Variants in TBXAS1 observed in about 807,000 individuals in gnomAD.
TBXAS1 encodes thromboxane-A synthase.
Under a neutral mutation model 60.7 loss-of-function variants are expected in TBXAS1, and 48 were observed. The ratio of observed to expected loss-of-function variants is 0.79; its 90% confidence interval spans 0.63 to 1.01. The LOEUF (loss-of-function observed/expected upper bound fraction) is 1.01, where lower values mean the gene tolerates loss of function less well. Among genes scored for constraint, TBXAS1 ranks in the 50% least tolerant of loss-of-function variants. The pLI, the probability that TBXAS1 is intolerant of heterozygous loss-of-function variation, is 0.00. For missense variants in TBXAS1, 685 were observed against 686.3 expected (o/e 1.00, Z 0.02); for synonymous variants, 287 against 269.7 (o/e 1.06, Z -0.63).
chr7:139,904,998 TCTTTC>T (rs1804879102), intron 3 of TBXAS1, among the ~76,000 whole-genome samples: 5 of 94,318 alleles, frequency 5.3e-5, no homozygotes, highest in African/African-American at 2.0e-4. Context: ...TCTCTTTCTC[TCTTTC>T]TCTCTTTCTT....
intron 4 of TBXAS1, among the ~76,000 whole-genome samples, chr7:139,792,794 T>C (rs1248054853): frequency 6.6e-6 from 1 of 152,206 alleles, no homozygotes; most frequent in African/African-American, 2.4e-5. Flanking sequence ...GGGTATACTT[T>C]CATCCCTGTC....
At chr7:139,841,448 C>T (rs895496154) in intron 1 of TBXAS1, among the ~76,000 whole-genome samples, 3 of 151,492 alleles carry the variant, frequency 2.0e-5, no homozygotes, top group Non-Finnish European at 4.4e-5. Flanking sequence ...TTTTCAGTGC[C>T]TCCAAGCATC....
chr7:140,017,571 C>A, intron 11 of TBXAS1, 100 bp from the exon 12 acceptor site: 1 of 1,507,916 alleles, frequency 6.6e-7, no homozygotes, highest in South Asian at 1.2e-5. Context: ...GCCTTGGAGA[C>A]ATCCTTGTCT....
At chr7:139,906,536 G>A (rs1321429453) in intron 3 of TBXAS1, among the ~76,000 whole-genome samples, 3 of 152,048 alleles carry the variant, frequency 2.0e-5, no homozygotes, top group Non-Finnish European at 4.4e-5. Context: ...CTACAGCCAA[G>A]TTTTGGGATC....
At chr7:139,808,306 C>T (rs1311913709) in intron 4 of TBXAS1, among the ~76,000 whole-genome samples, 6 of 152,022 alleles carry the variant, frequency 3.9e-5, no homozygotes, top group Admixed American at 3.3e-4. Flanking sequence ...CCACTGCCCT[C>T]CAGCTTGGGT....
intron 9 of TBXAS1, among the ~76,000 whole-genome samples, chr7:139,965,961 G>A (rs1211890225): frequency 6.6e-6 from 1 of 151,010 alleles, no homozygotes; most frequent in African/African-American, 2.4e-5. Context: ...ATGCAGATTA[G>A]ATGTTCACAC....
chr7:139,899,108 C>T lies in TBXAS1; in HGVS notation c.237-12117C>T, dbSNP rs8192823. 5.1e-4 allele frequency among the ~76,000 whole-genome samples: 78 copies of T among 152,192 alleles called. 1 individual carries two copies. In the East Asian group the frequency reaches 0.015, roughly 29 times the overall value. On this transcript the variant is annotated intron_variant, in intron 3 of 12. Coordinates refer to ENST00000448866, the MANE Select transcript of TBXAS1 (RefSeq NM_001061.7). ...TGAAAAGGACAGTGCCCCATAATTT[C>T]CTGCTCCAGATCTATGCCCTGTAAG...
intron 9 of TBXAS1, among the ~76,000 whole-genome samples, chr7:139,995,120 T>C (rs936007397): frequency 2.0e-5 from 3 of 152,068 alleles, no homozygotes; most frequent in South Asian, 2.1e-4. Context: ...ACACATCTCG[T>C]ATTCTATAGT....
chr7:139,906,971 T>G (rs1401123576), intron 3 of TBXAS1, among the ~76,000 whole-genome samples: 1 of 152,238 alleles, frequency 6.6e-6, no homozygotes, highest in Admixed American at 6.5e-5. Flanking sequence ...GTAGATATCA[T>G]GTCATCTCAA....
At chr7:139,792,015 C>T (rs1403361944) in intron 4 of TBXAS1, among the ~76,000 whole-genome samples, 2 of 151,998 alleles carry the variant, frequency 1.3e-5, no homozygotes, top group African/African-American at 4.8e-5. Flanking sequence ...GTGTGTGTTC[C>T]AGGGTATGCT....
At chr7:139,943,344 G>C (rs1435040926) in intron 5 of TBXAS1, among the ~76,000 whole-genome samples, 1 of 152,172 alleles carries the variant, frequency 6.6e-6, no homozygotes, top group Admixed American at 6.5e-5. Context: ...CTGAGACACA[G>C]TCGTGTTCCA....
chr7:140,002,437 C>A (rs979238626), intron 9 of TBXAS1, among the ~76,000 whole-genome samples: 2 of 152,242 alleles, frequency 1.3e-5, no homozygotes, highest in Non-Finnish European at 2.9e-5. Flanking sequence ...TTTCCCGGGA[C>A]GGGGAGTCCT....
At chr7:139,922,018 G>T (rs1016920396) in intron 4 of TBXAS1, among the ~76,000 whole-genome samples, 1 of 151,960 alleles carries the variant, frequency 6.6e-6, no homozygotes, top group Non-Finnish European at 1.5e-5. Flanking sequence ...ACTATTCCAG[G>T]GGCTGGGTAG....
chr7:139,951,882 AGAAG>A lies in TBXAS1; in HGVS notation c.451-1470_451-1467del, dbSNP rs1314622941. 3.4e-4 allele frequency among the ~76,000 whole-genome samples: 17 copies of A among 50,284 alleles called. 2 individuals are homozygous for A. Among genetic ancestry groups the A allele is most frequent in the African/African-American group, 1.6e-3 (17 of 10,890 alleles). The allele number at this position is 50,284 out of a possible 152,430, so 33.0% of individuals were successfully genotyped here. A position where few individuals can be genotyped will look rare whatever the true frequency, so the allele number is the denominator to read the frequency against. ...AGGAAAGAAGGAAGGAAGGAAGGAAAGAAGGAAGGAAGGAAGGAAAGAAAGAGAA... is the reference window on the plus strand; with the variant it reads ...AGGAAAGAAGGAAGGAAGGAAGGAAAGAAGGAAGGAAGGAAAGAAAGAGAA... On this transcript the variant is annotated intron_variant, in intron 5 of 12. Coordinates refer to ENST00000448866, the MANE Select transcript of TBXAS1 (RefSeq NM_001061.7).
chr7:139,939,542 G>T (rs1176064670), intron 5 of TBXAS1, among the ~76,000 whole-genome samples: 1 of 151,934 alleles, frequency 6.6e-6, no homozygotes, highest in Non-Finnish European at 1.5e-5. Context: ...CCATCCCAGA[G>T]GCAGGAGAAG....
chr7:139,911,373 G>C, intron 4 of TBXAS1, 52 bp downstream of exon 4: 1 of 1,484,190 alleles, frequency 6.7e-7, no homozygotes, highest in Non-Finnish European at 9.4e-7. Flanking sequence ...TTCTCAGATG[G>C]AGACACTGCA....
chr7:139,940,738 G>C (rs1315618689), intron 5 of TBXAS1, among the ~76,000 whole-genome samples: 2 of 152,122 alleles, frequency 1.3e-5, no homozygotes, highest in Non-Finnish European at 2.9e-5. Context: ...GGAGGACAAA[G>C]TCTTTTTGCT....
intron 1 of TBXAS1, among the ~76,000 whole-genome samples, chr7:139,854,660 A>G (rs1338413689): frequency 6.6e-6 from 1 of 152,322 alleles, no homozygotes; most frequent in African/African-American, 2.4e-5. Flanking sequence ...TTGAAGGCAG[A>G]GTTGACAGAA....
intron 4 of TBXAS1, among the ~76,000 whole-genome samples, chr7:139,792,653 C>T (rs1797423273): frequency 6.6e-6 from 1 of 152,168 alleles, no homozygotes; most frequent in African/African-American, 2.4e-5. Flanking sequence ...GGGATGAGGG[C>T]AGGGACAGAA....
Sources: gnomAD v4.1 joint callset for allele counts (sites outside exome capture counted in the v4.1 genomes callset) on GRCh38, gnomAD v4.1.1 for gene constraint, MANE v1.5 for transcripts, NCBI Gene and HGNC (gene_info 2026-07-23, HGNC 2026-07-21) for gene names.